Variants in FRMD8 observed in about 807,000 individuals in gnomAD.
The protein encoded by FRMD8 is FERM domain containing 8, also known as FERM domain-containing protein 8.
A neutral mutation model predicts 54.2 loss-of-function variants in FRMD8; 37 were observed. The observed-to-expected ratio is 0.68, with a 90% CI of 0.53 to 0.90. FRMD8 has a LOEUF of 0.90. Ranked by LOEUF, FRMD8 falls within the 40% of genes least tolerant of loss-of-function variation. FRMD8 has a pLI of 0.00. For synonymous variants in FRMD8, 246 were observed against 286.9 expected (o/e 0.86, Z 1.44); for missense variants, 585 against 653.7 (o/e 0.89, Z 1.15).
intron 7 of FRMD8, among the ~76,000 whole-genome samples, chr11:65,399,470 A>G (rs1417141418): frequency 6.6e-6 from 1 of 151,984 alleles, no homozygotes; most frequent in African/African-American, 2.4e-5. Flanking sequence ...TTTGCTCCAC[A>G]CCTGGGGCCA....
At chr11:65,393,946 TG>T in intron 4 of FRMD8, 94 bp from the exon 5 acceptor site, 1 of 1,308,502 alleles carries the variant, frequency 7.6e-7, no homozygotes, top group Non-Finnish European at 1.1e-6. Context: ...TCAGCCCTGG[TG>T]GGTGAGGTTG....
In FRMD8 at chr11:65,389,748, TGGA is replaced by T. The variant is rs1286082064; in HGVS notation, c.253+225_253+227del. 5.3e-5 allele frequency among the ~76,000 whole-genome samples: 8 copies of T among 152,170 alleles called. No individual in the cohort carries two copies. The South Asian group carries it at 6.2e-4, about 12-fold the overall frequency. ...CTGCTGTCTGTCTTTCTGCTGGTGGTGGAGGAGTGGACACGCCTGCCCCCCAGG... is the reference window on the plus strand; with the variant it reads ...CTGCTGTCTGTCTTTCTGCTGGTGGTGGAGTGGACACGCCTGCCCCCCAGG... On this transcript the variant is annotated intron_variant, in intron 3 of 10. Coordinates refer to ENST00000317568, the MANE Select transcript of FRMD8 (RefSeq NM_031904.5).
rs375111308 is a variant in FRMD8 at position 65,400,952 on chromosome 11, G to A, written c.1071+85G>A. On this transcript the variant is annotated intron_variant, in intron 9 of 10. Coordinates refer to ENST00000317568, the MANE Select transcript of FRMD8 (RefSeq NM_031904.5). The surrounding 1 kb of genome is among the most constrained non-coding windows in gnomAD (Gnocchi z 4.3). ...AGACAATTAGAGGCACCAGGCTGGCGGGCAAGGAGGTGAGAAGCTGCCTTG... is the reference window on the plus strand; with the variant it reads ...AGACAATTAGAGGCACCAGGCTGGCAGGCAAGGAGGTGAGAAGCTGCCTTG... 1.7e-5 allele frequency: 25 copies of A among 1,434,614 alleles called. No individual in the cohort carries two copies. The highest frequency in any genetic ancestry group is 7.0e-5 in the South Asian group (5 of 71,420). 88.9% of individuals were successfully genotyped at this position (1,434,614 alleles called of 1,614,324 possible). A position where few individuals can be genotyped will look rare whatever the true frequency, so the allele number is the denominator to read the frequency against.
At position 65,391,282 on chromosome 11, in the gene FRMD8, A is replaced by G. The variant is rs532946601; in HGVS notation, c.253+1754A>G. ...CTGGGACTGCGGGAGTTCTGAAGAC[A>G]GGAAGGAGTCTTTTGAGCTGCTGGG... On this transcript the variant is annotated intron_variant, in intron 3 of 10. Transcript: ENST00000317568. Among the ~76,000 whole-genome samples, 7 of 152,322 alleles carry G rather than the reference A, an allele frequency of 4.6e-5. No homozygotes were observed. The South Asian group carries it at 1.4e-3, about 32-fold the overall frequency.
chr11:65,397,148 C>G (rs987196928), intron 7 of FRMD8, 128 bp downstream of exon 7: 9 of 533,446 alleles, frequency 1.7e-5, no homozygotes, highest in Non-Finnish European at 2.9e-5. Context: ...TGTCTTGTCA[C>G]GAGCACCTCA....
chr11:65,376,373 G>A, the FRMD8 span: 14 of 1,603,514 alleles, frequency 8.7e-6, no homozygotes, highest in South Asian at 7.7e-5. Context: ...CAGGCCGTGG[G>A]CCTGATGGGG....
the FRMD8 span, among the ~76,000 whole-genome samples, chr11:65,368,218 G>T: frequency 2.0e-4 from 31 of 151,820 alleles, no homozygotes; most frequent in Non-Finnish European, 4.3e-4. Context: ...TGAGACTACA[G>T]GCATGCACCA....
At chr11:65,399,242 G>A (rs1000277690) in intron 7 of FRMD8, among the ~76,000 whole-genome samples, 15 of 151,866 alleles carry the variant, frequency 9.9e-5, no homozygotes, top group East Asian at 1.9e-4. Context: ...CTCATGACCC[G>A]CCTGCCTCGG....
chr11:65,401,587 G>A (rs1338700484), intron 9 of FRMD8, among the ~76,000 whole-genome samples: 1 of 148,698 alleles, frequency 6.7e-6, no homozygotes. Flanking sequence ...CGCCTCCCAT[G>A]CTGGGGGCTG....
At chr11:65,409,142 A>G (rs546201603) in intron 10 of FRMD8, among the ~76,000 whole-genome samples, 21 of 152,042 alleles carry the variant, frequency 1.4e-4, no homozygotes, top group African/African-American at 5.1e-4. Context: ...CTGGAGTGCA[A>G]TGGCATGATC....
chr11:65,392,298 C>G (rs1347222122), intron 3 of FRMD8, among the ~76,000 whole-genome samples: 1 of 152,150 alleles, frequency 6.6e-6, no homozygotes, highest in Non-Finnish European at 1.5e-5. Flanking sequence ...CCAGATGGCC[C>G]AAAGAGCAGA....
At chr11:65,376,725 C>T in the FRMD8 span, 2 of 1,613,762 alleles carry the variant, frequency 1.2e-6, no homozygotes, top group Non-Finnish European at 1.7e-6. Context: ...ACAGAGCATC[C>T]TCCCCAGACC....
chr11:65,385,465 C>T (rs904349288), upstream of FRMD8, among the ~76,000 whole-genome samples: 3 of 152,204 alleles, frequency 2.0e-5, no homozygotes. Flanking sequence ...GCAAAGTGAA[C>T]CCACTGCCCT....
At chr11:65,403,429 C>A (rs1303169077) in intron 9 of FRMD8, among the ~76,000 whole-genome samples, 1 of 152,166 alleles carries the variant, frequency 6.6e-6, no homozygotes, top group African/African-American at 2.4e-5. Flanking sequence ...GTGATCCACC[C>A]GCCTCGGCCT....
the FRMD8 span, among the ~76,000 whole-genome samples, chr11:65,370,069 A>T: frequency 2.6e-5 from 4 of 151,326 alleles, no homozygotes; most frequent in African/African-American, 9.7e-5. Flanking sequence ...AATATAAATA[A>T]AAATTAGCTG....
chr11:65,408,915 G>A (rs975299214), intron 10 of FRMD8, among the ~76,000 whole-genome samples: 4 of 151,306 alleles, frequency 2.6e-5, no homozygotes, highest in African/African-American at 9.7e-5. Context: ...TGGCCGATAT[G>A]CTGATTTTGA....
chr11:65,405,148 C>A, intron 10 of FRMD8, 80 bp downstream of exon 10: 1 of 1,349,120 alleles, frequency 7.4e-7, no homozygotes. Context: ...GAGGACAGGG[C>A]ATTGCAGAGC....
upstream of FRMD8, chr11:65,386,564 G>A (rs556509501): frequency 3.1e-3 from 505 of 160,432 alleles, 2 homozygotes; most frequent in South Asian, 0.011. Flanking sequence ...GCGGCCCTGG[G>A]CTCCCATTGG....
chr11:65,392,148 G>A (rs1183388683), intron 3 of FRMD8, among the ~76,000 whole-genome samples: 1 of 152,212 alleles, frequency 6.6e-6, no homozygotes, highest in African/African-American at 2.4e-5. Context: ...TTGTAAAGGA[G>A]GGCTGTGGGG....
Sources: gnomAD v4.1 joint callset for allele counts (sites outside exome capture counted in the v4.1 genomes callset) on GRCh38, gnomAD v4.1.1 for gene constraint, Gnocchi (gnomAD v3.1) non-coding constraint, MANE v1.5 for transcripts, NCBI Gene and HGNC (gene_info 2026-07-23, HGNC 2026-07-21) for gene names.